CBLL1: variants seen among roughly 807,000 people sequenced by gnomAD.
CBLL1 encodes E3 ubiquitin-protein ligase Hakai.
CBLL1 carries 4 observed loss-of-function variants against 44.9 expected under a neutral mutation model. The observed-to-expected ratio is 0.09, with a 90% CI of 0.04 to 0.20. CBLL1 has a LOEUF of 0.20. Among genes scored for constraint, CBLL1 ranks in the 10% least tolerant of loss-of-function variants. CBLL1 has a pLI of 1.00. For synonymous variants in CBLL1, 235 were observed against 202.2 expected (o/e 1.16, Z -1.38); for missense variants, 569 against 636.7 (o/e 0.89, Z 1.14).
Position 107,758,838 on chromosome 7 carries a change from C to G in CBLL1, c.1136C>G (p.Ser379Cys). The change falls in exon 6 of 6, where the codon TCT becomes TGT. Residue 379 changes from serine to cysteine, a missense_variant. Around this residue, in one of 5 missense-constraint regions of CBLL1, gnomAD observed 228 missense variants for 253.2 expected, o/e 0.90. Coordinates refer to ENST00000440859, the MANE Select transcript of CBLL1 (RefSeq NM_024814.4). The surrounding 1 kb of genome is among the most constrained non-coding windows in gnomAD (Gnocchi z 4.2). ...YSQAPPPPMT[S>C]APPPITPPPG... ...CAAGCTCCACCTCCACCAATGACCT[C>G]TGCTCCACCACCAATAACCCCTCCC... 1 of 1,614,044 alleles carries G rather than the reference C, an allele frequency of 6.2e-7. No homozygotes were observed. The highest frequency in any genetic ancestry group is 8.5e-7 in the Non-Finnish European group (1 of 1,179,980).
chr7:107,754,796 A>AC (rs1395674922), intron 4 of CBLL1, among the ~76,000 whole-genome samples: 2 of 152,274 alleles, frequency 1.3e-5, no homozygotes, highest in East Asian at 3.9e-4. Flanking sequence ...TTAAAAAAAA[A>AC]ACACACATAA....
chr7:107,752,319 A>G (rs1793339134), intron 2 of CBLL1, among the ~76,000 whole-genome samples: 1 of 152,154 alleles, frequency 6.6e-6, no homozygotes, highest in Non-Finnish European at 1.5e-5. Flanking sequence ...GGTGTAACTT[A>G]TAAGAGCATC....
chr7:107,752,414 CATT>C (rs1274722491), intron 2 of CBLL1: 3 of 345,860 alleles, frequency 8.7e-6, no homozygotes, highest in Admixed American at 3.6e-5. Flanking sequence ...CTTCTTGCAT[CATT>C]GTTTGTGTGT....
intron 2 of CBLL1, among the ~76,000 whole-genome samples, chr7:107,750,310 A>C (rs539415711): frequency 6.6e-6 from 1 of 151,134 alleles, no homozygotes; most frequent in Non-Finnish European, 1.5e-5. Flanking sequence ...ATTGCAGAGA[A>C]TCTTTTTTTT....
intron 1 of CBLL1, among the ~76,000 whole-genome samples, chr7:107,746,697 A>G (rs572401192): frequency 6.6e-6 from 1 of 152,356 alleles, no homozygotes; most frequent in Non-Finnish European, 1.5e-5. Flanking sequence ...ACCCTTGAAC[A>G]TTATGCAAAA....
In CBLL1 at chr7:107,759,248, CTG is replaced by C; in HGVS notation, c.*72_*73del. On this transcript the variant is annotated 3_prime_UTR_variant, in exon 6 of 6. Coordinates refer to ENST00000440859, the MANE Select transcript of CBLL1 (RefSeq NM_024814.4). Reference sequence around the variant, plus strand: ...GTGTAGTCAATCTTTTAAGCTTTGACTGTTTTGGGAAGGAAGAGTACCTCTTA... The same window carrying C: ...GTGTAGTCAATCTTTTAAGCTTTGACTTTTGGGAAGGAAGAGTACCTCTTA... The C allele has an allele frequency of 2.9e-6, 4 of 1,376,978 alleles. No homozygotes were observed. The highest frequency in any genetic ancestry group is 3.9e-6 in the Non-Finnish European group (4 of 1,014,296). 85.3% of individuals were successfully genotyped at this position (1,376,978 alleles called of 1,614,324 possible).
At position 107,758,532 on chromosome 7, in the gene CBLL1, T is replaced by G; in HGVS notation, c.830T>G (p.Val277Gly). 6.2e-7 allele frequency: 1 copy of G among 1,613,528 alleles called. No homozygotes were observed. The highest frequency in any genetic ancestry group is 1.1e-5 in the South Asian group (1 of 91,038). ...LSMAPPPPRS[V>G]SQETFRISTR... ...ATGGCTCCACCTCCACCTCGATCGG[T>G]CAGTCAGGAAACCTTTCGTATTTCA... Residue 277 changes from valine to glycine, a missense_variant, in exon 6 of 6, where the codon GTC becomes GGC. Around this residue, in one of 5 missense-constraint regions of CBLL1, gnomAD observed 111 missense variants for 113.0 expected, o/e 0.98. Coordinates refer to ENST00000440859, the MANE Select transcript of CBLL1 (RefSeq NM_024814.4). This position sits in a 1 kb window ranked among gnomAD's most constrained non-coding sequence, Gnocchi z 4.2.
At chr7:107,750,081 A>T (rs1793216585) in intron 2 of CBLL1, among the ~76,000 whole-genome samples, 1 of 151,852 alleles carries the variant, frequency 6.6e-6, no homozygotes, top group Non-Finnish European at 1.5e-5. Flanking sequence ...AGGAGCTGGG[A>T]CTACAGGTGC....
rs879672233 is a variant in CBLL1 at position 107,750,312 on chromosome 7, C to CT, written c.181+1276dup. Reference sequence around the variant, plus strand: ...ATACAAAATATTTATTGCAGAGAATCTTTTTTTTTTTGAGACAGAGTCTTG... The same window carrying CT: ...ATACAAAATATTTATTGCAGAGAATCTTTTTTTTTTTTGAGACAGAGTCTTG... On this transcript the variant is annotated intron_variant, in intron 2 of 5. Coordinates refer to ENST00000440859, the MANE Select transcript of CBLL1 (RefSeq NM_024814.4). Among the ~76,000 whole-genome samples the CT allele has an allele frequency of 1.9e-3, 283 of 145,438 alleles. 1 individual carries two copies. The highest frequency in any genetic ancestry group is 0.015 in the Middle Eastern group (4 of 272).
chr7:107,755,783 A>T (rs1793503055), intron 5 of CBLL1, among the ~76,000 whole-genome samples: 2 of 152,206 alleles, frequency 1.3e-5, no homozygotes, highest in South Asian at 4.2e-4. Context: ...AAGTATTAAG[A>T]TATATTGAGA....
chr7:107,748,390 C>T (rs189995968), intron 1 of CBLL1, among the ~76,000 whole-genome samples: 3 of 152,246 alleles, frequency 2.0e-5, no homozygotes, highest in East Asian at 1.9e-4. Flanking sequence ...CATTTTCAAA[C>T]GCATTGTTTA....
intron 5 of CBLL1, 73 bp downstream of exon 5, chr7:107,755,564 G>A (rs1398946105): frequency 8.8e-6 from 7 of 795,530 alleles, no homozygotes; most frequent in Middle Eastern, 2.6e-4. Context: ...TGGATTAAAG[G>A]TTAGGGAGTG....
At position 107,759,272 on chromosome 7, in the gene CBLL1, C is replaced by G. The variant is rs1459971917; in HGVS notation, c.*94C>G. 2 of 1,097,428 alleles carry G rather than the reference C, an allele frequency of 1.8e-6. No individual in the cohort carries two copies. The highest frequency in any genetic ancestry group is 3.1e-5 in the African/African-American group (2 of 63,590). The allele number at this position is 1,097,428 out of a possible 1,614,324, so 68.0% of individuals were successfully genotyped here. ...ACTGTTTTGGGAAGGAAGAGTACCT[C>G]TTATCGAGGTAGTATAAAACACATA... On this transcript the variant is annotated 3_prime_UTR_variant, in exon 6 of 6. Coordinates refer to ENST00000440859, the MANE Select transcript of CBLL1 (RefSeq NM_024814.4).
chr7:107,748,818 TG>T, intron 1 of CBLL1, 61 bp from the exon 2 acceptor site: 24 of 1,427,966 alleles, frequency 1.7e-5, no homozygotes, highest in Non-Finnish European at 2.2e-5. Context: ...TTAATACCTG[TG>T]GCAGAATAAT....
In CBLL1 at chr7:107,744,438, G is replaced by A; in HGVS notation, c.13+262G>A. ...CTGAGCTCCGAGCCCGGACCAGTGG[G>A]CGATGTAGGCCTTCGGGAAGGGAGA... On this transcript the variant is annotated intron_variant, in intron 1 of 5. Coordinates refer to ENST00000440859, the MANE Select transcript of CBLL1 (RefSeq NM_024814.4). 9.2e-6 allele frequency: 4 copies of A among 434,044 alleles called. No individual in the cohort carries two copies. The East Asian group carries it at 1.4e-4, about 15-fold the overall frequency. 26.9% of individuals were successfully genotyped at this position (434,044 alleles called of 1,614,324 possible). A position where few individuals can be genotyped will look rare whatever the true frequency, so the allele number is the denominator to read the frequency against.
chr7:107,759,184 G>T lies in CBLL1; in HGVS notation c.*6G>T. 1 of 1,576,768 alleles carries T rather than the reference G, an allele frequency of 6.3e-7. No individual in the cohort carries two copies. ...ATAGACCGTATTACCAATGATAATA[G>T]TATTTTGAATGGAAGATATGAGGGG... On this transcript the variant is annotated 3_prime_UTR_variant, in exon 6 of 6. Transcript: ENST00000440859.
Position 107,755,455 on chromosome 7 carries a change from T to C in CBLL1, c.404T>C (p.Ile135Thr). ...CKHVFCYDCAILHEKKGDKMC... is the reference protein window; with the variant it reads ...CKHVFCYDCATLHEKKGDKMC... ...CATGTTTTTTGCTATGACTGTGCTA[T>C]TTTACATGAAAAAAAGGGAGATAAG... The change falls in exon 5 of 6, where the codon ATT (isoleucine) becomes ACT (threonine). Residue 135 changes from isoleucine to threonine, a missense_variant. Ile to Thr is a moderately conservative substitution (Grantham distance 89). This residue lies in a region of CBLL1 where 209 missense variants were observed against 202.8 expected (regional missense o/e 1.03). Transcript: ENST00000440859. 6.3e-7 allele frequency: 1 copy of C among 1,590,312 alleles called. No individual in the cohort carries two copies. Among genetic ancestry groups the C allele is most frequent in the Non-Finnish European group, 8.6e-7 (1 of 1,167,144 alleles).
rs1308842345 is a variant in CBLL1, at chr7:107,760,547, CAGTT to C, written c.*1370_*1373del. ...TAGTTTAGCTAAGATGACCACTTAA[CAGTT>C]TATACAGAACTCATATGTATAAATC... is the stretch of plus-strand genomic sequence containing the variant. On this transcript the variant is annotated 3_prime_UTR_variant, in exon 6 of 6. Transcript: ENST00000440859. 1.3e-5 allele frequency: 2 copies of C among 152,156 alleles called. No homozygotes were observed. The highest frequency in any genetic ancestry group is 2.4e-5 in the African/African-American group (1 of 41,414). The allele number at this position is 152,156 out of a possible 1,614,324, so 9.4% of individuals were successfully genotyped here. A position where few individuals can be genotyped will look rare whatever the true frequency, so the allele number is the denominator to read the frequency against.
chr7:107,745,669 A>G (rs1451059477), intron 1 of CBLL1, among the ~76,000 whole-genome samples: 1 of 152,206 alleles, frequency 6.6e-6, no homozygotes, highest in African/African-American at 2.4e-5. Context: ...GTAGACGGGA[A>G]GGGAAGGTTG....
Sources: allele counts gnomAD v4.1 joint callset (sites outside exome capture counted in the v4.1 genomes callset), GRCh38; gene constraint gnomAD v4.1.1; regional missense constraint gnomAD v4.1.1; non-coding constraint Gnocchi (gnomAD v3.1); transcripts MANE v1.5; gene names NCBI Gene and HGNC (gene_info 2026-07-23, HGNC 2026-07-21).